Variants in INVS observed in about 807,000 individuals in gnomAD.
INVS encodes inversion of embryo turning homolog.
A neutral mutation model predicts 108.8 loss-of-function variants in INVS; 86 were observed. The ratio of observed to expected loss-of-function variants is 0.79; its 90% CI spans 0.66 to 0.95. The LOEUF (loss-of-function observed/expected upper bound fraction) is 0.95. Among genes scored for constraint, INVS ranks in the 40% least tolerant of loss-of-function variants. The probability of loss-of-function intolerance (pLI) is 0.00; values close to 1 mark genes in which losing one functional copy is unlikely to be tolerated. For missense variants in INVS, 1,169 were observed against 1,297.4 expected, an observed-to-expected ratio of 0.90 and a Z score of 1.52; for synonymous variants, 455 against 473.5, an observed-to-expected ratio of 0.96 and a Z score of 0.51.
Position 100,229,765 on chromosome 9 carries a change from C to T in INVS, c.553C>T (p.Pro185Ser). 1 of 1,614,114 alleles carries T rather than the reference C, an allele frequency of 6.2e-7. No individual in the cohort carries two copies. Among genetic ancestry groups the T allele is most frequent in the Non-Finnish European group, 8.5e-7 (1 of 1,180,016 alleles). Residue 185 changes from proline to serine, a missense_variant, in exon 5 of 17, where the codon CCA becomes TCA. By Grantham distance (74) the Pro-to-Ser change is moderately conservative (BLOSUM62 -1). This residue lies in a region of INVS where 365 missense variants were observed against 397.5 expected (regional missense o/e 0.92). Coordinates refer to ENST00000262457, the MANE Select transcript of INVS (RefSeq NM_014425.5). ...IGIPDVEGKI[P>S]LHWAANHKDP... ...GATTCCTGATGTTGAAGGCAAGATC[C>T]CACTTCACTGGGCAGCCAACCATAA...
In INVS at chr9:100,253,426, T is replaced by A. The variant is rs76135319; in HGVS notation, c.1464+290T>A. Among the ~76,000 whole-genome samples the A allele has an allele frequency of 8.3e-4, 123 of 147,478 alleles. No homozygotes were observed. The East Asian group carries it at 0.015, about 18-fold the overall frequency. On this transcript the variant is annotated intron_variant, in intron 10 of 16. Coordinates refer to ENST00000262457, the MANE Select transcript of INVS (RefSeq NM_014425.5). ...AAATATATGATTTTCTTTTTTTTTT[T>A]AATTATACTTTAAGTTCTAGGGTAC... is the stretch of plus-strand genomic sequence containing the variant.
At chr9:100,228,363 G>GT (rs1831400962) in intron 4 of INVS, among the ~76,000 whole-genome samples, 1 of 152,120 alleles carries the variant, frequency 6.6e-6, no homozygotes, top group Admixed American at 6.5e-5. Flanking sequence ...TTTTCAAAAT[G>GT]TATCTTTTCA....
chr9:100,274,829 TC>T (rs1212918538), intron 12 of INVS, among the ~76,000 whole-genome samples: 4 of 152,130 alleles, frequency 2.6e-5, no homozygotes, highest in Non-Finnish European at 5.9e-5. Context: ...AAAGATAACT[TC>T]CTGGCTGTAT....
chr9:100,170,663 G>C lies in INVS; in HGVS notation c.273+44114G>C, dbSNP rs1294786003. Among the ~76,000 whole-genome samples, 3 of 152,282 alleles carry C rather than the reference G, an allele frequency of 2.0e-5. No individual in the cohort carries two copies. In the East Asian group the frequency reaches 5.8e-4, roughly 29 times the overall value. On this transcript the variant is annotated intron_variant, in intron 3 of 16. Coordinates refer to ENST00000262457, the MANE Select transcript of INVS (RefSeq NM_014425.5). ...AATAGGTTTAAATAGGTTTGTGTTT[G>C]GGGTTTTGATCAGAACATACTTTCT...
chr9:100,170,570 A>T (rs1042220359), intron 3 of INVS, among the ~76,000 whole-genome samples: 6 of 151,752 alleles, frequency 4.0e-5, no homozygotes, highest in African/African-American at 1.5e-4. Flanking sequence ...GTCTCAAAAA[A>T]AAAATAAAAT....
At chr9:100,197,151 G>T (rs897138892) in intron 3 of INVS, among the ~76,000 whole-genome samples, 28 of 152,218 alleles carry the variant, frequency 1.8e-4, no homozygotes, top group Non-Finnish European at 8.8e-5. Flanking sequence ...CCAGCTTCAA[G>T]TTGGGGTTCC....
chr9:100,293,956 G>T (rs1260368175), intron 14 of INVS, among the ~76,000 whole-genome samples: 2 of 152,098 alleles, frequency 1.3e-5, no homozygotes, highest in African/African-American at 4.8e-5. Context: ...TGAACCCAGG[G>T]TTATGAGACG....
rs779668166 is a variant in INVS at position 100,226,039 on chromosome 9, ATCATC to A, written c.274-20_274-16del. The A allele has an allele frequency of 6.3e-7, 1 of 1,575,542 alleles. No homozygotes were observed. Among genetic ancestry groups the A allele is most frequent in the East Asian group, 2.2e-5 (1 of 44,542 alleles). On this transcript the variant is annotated intron_variant, in intron 3 of 16. Coordinates refer to ENST00000262457, the MANE Select transcript of INVS (RefSeq NM_014425.5). ...TGACCCCATAGTACATTTTTTTCTT[ATCATC>A]TCTTGTTTTTTATTTAGGGAAATTA...
At chr9:100,198,750 G>A (rs1389912933) in intron 3 of INVS, among the ~76,000 whole-genome samples, 2 of 151,608 alleles carry the variant, frequency 1.3e-5, no homozygotes, top group African/African-American at 4.8e-5. Flanking sequence ...GCACCACCAC[G>A]CCTAGCTAAT....
Position 100,229,806 on chromosome 9 carries a change from TCA to T in INVS, c.599_600del (p.Thr200SerfsTer31), listed in dbSNP as rs776830482. On this transcript the variant is annotated frameshift_variant, in exon 5 of 17. Coordinates refer to ENST00000262457, the MANE Select transcript of INVS (RefSeq NM_014425.5). LOFTEE classifies it high-confidence loss of function. ...CCAACCATAAAGATCCAAGTGCTGT[TCA>T]CACAGTGAGATGCATTCTGGTGAGT... ...AANHKDPSAV[H>X]TVRCILDAAP... 6.2e-7 allele frequency: 1 copy of T among 1,614,154 alleles called. No homozygotes were observed. Among genetic ancestry groups the T allele is most frequent in the South Asian group, 1.1e-5 (1 of 91,078 alleles).
At chr9:100,183,515 G>A (rs572381362) in intron 3 of INVS, among the ~76,000 whole-genome samples, 9 of 152,098 alleles carry the variant, frequency 5.9e-5, no homozygotes, top group Admixed American at 1.3e-4. Flanking sequence ...AATAATGGTC[G>A]GGCACAGTGG....
chr9:100,126,949 A>C (rs1827904506), intron 3 of INVS, among the ~76,000 whole-genome samples: 1 of 152,188 alleles, frequency 6.6e-6, no homozygotes. Context: ...TTCACTGTTT[A>C]AAATTTTTTC....
At chr9:100,184,363 CAG>C (rs1194244506) in intron 3 of INVS, among the ~76,000 whole-genome samples, 2 of 152,172 alleles carry the variant, frequency 1.3e-5, no homozygotes, top group East Asian at 1.9e-4. Context: ...TTGCATGTAA[CAG>C]AGAGTATATG....
chr9:100,148,410 G>A (rs1480978737), intron 3 of INVS, among the ~76,000 whole-genome samples: 3 of 152,024 alleles, frequency 2.0e-5, no homozygotes, highest in African/African-American at 4.8e-5. Flanking sequence ...AAAAATGATG[G>A]CAGCAAAAAG....
chr9:100,177,976 T>G (rs1588064817), intron 3 of INVS, among the ~76,000 whole-genome samples: 1 of 152,334 alleles, frequency 6.6e-6, no homozygotes, highest in East Asian at 1.9e-4. Flanking sequence ...TGCAGATACC[T>G]AGGCAAACAG....
At chr9:100,139,807 A>G (rs2118942642) in intron 3 of INVS, among the ~76,000 whole-genome samples, 1 of 152,158 alleles carries the variant, frequency 6.6e-6, no homozygotes, top group South Asian at 2.1e-4. Flanking sequence ...ACGCCCAGCT[A>G]ATTTTTGTAT....
intron 2 of INVS, among the ~76,000 whole-genome samples, chr9:100,105,850 C>CTTTTTTTTTTTTTTTTTTTTTTTT (rs543070811): frequency 1.1e-4 from 7 of 63,832 alleles, no homozygotes; most frequent in African/African-American, 1.2e-4. Context: ...GAAAAATTCC[C>CTTTTTTTTTTTTTTTTTTTTTTTT]TTTTTTTTTT....
chr9:100,142,508 A>G (rs534005344), intron 3 of INVS, among the ~76,000 whole-genome samples: 4 of 152,282 alleles, frequency 2.6e-5, no homozygotes, highest in African/African-American at 7.2e-5. Context: ...GGTGAATGTC[A>G]GGTGGATCAG....
chr9:100,166,222 C>T (rs1052938668), intron 3 of INVS, among the ~76,000 whole-genome samples: 2 of 152,096 alleles, frequency 1.3e-5, no homozygotes, highest in Admixed American at 1.3e-4. Context: ...AAAGTCTGTG[C>T]TTAAAGTCAT....
Sources: gnomAD v4.1 joint callset for allele counts (sites outside exome capture counted in the v4.1 genomes callset) on GRCh38, gnomAD v4.1.1 for gene constraint, gnomAD v4.1.1 regional missense constraint, MANE v1.5 for transcripts, NCBI Gene and HGNC (gene_info 2026-07-23, HGNC 2026-07-21) for gene names.